Variants in DSP observed in about 807,000 individuals in gnomAD.
DSP encodes 250/210 kDa paraneoplastic pemphigus antigen.
In DSP, 114 loss-of-function variants were observed where a neutral mutation model predicts 290.6. That is an observed-to-expected ratio of 0.39 (90% CI 0.34 to 0.46). The LOEUF (loss-of-function observed/expected upper bound fraction) is 0.46, where lower values mean the gene tolerates loss of function less well. Among genes scored for constraint, DSP ranks in the 20% least tolerant of loss-of-function variants. The pLI is 0.99. For synonymous variants in DSP, 1,311 were observed against 1,316.4 expected, an observed-to-expected ratio of 1.00 and a Z score of 0.09; for missense variants, 3,230 against 3,495.8, an observed-to-expected ratio of 0.92 and a Z score of 1.92.
At position 7,582,981 on chromosome 6, in the gene DSP, A is replaced by G; in HGVS notation, c.5719A>G (p.Lys1907Glu). 6.2e-7 allele frequency: 1 copy of G among 1,614,142 alleles called. No individual in the cohort carries two copies. The highest frequency in any genetic ancestry group is 2.2e-5 in the East Asian group (1 of 44,884). The change falls in exon 24 of 24, where the codon AAG becomes GAG. Residue 1907 changes from lysine to glutamate, a missense_variant. Physicochemically the swap from Lys to Glu is moderately conservative, Grantham distance 56. Around this residue, in one of 5 missense-constraint regions of DSP, gnomAD observed 1,714 missense variants for 1,844.5 expected, o/e 0.93. Coordinates refer to ENST00000379802, the MANE Select transcript of DSP (RefSeq NM_004415.4). The surrounding 1 kb of genome is among the most constrained non-coding windows in gnomAD (Gnocchi z 4.2). ...SEIERLQAEI[K>E]RIEERCRRKL... ...GATCGAAAGACTCCAAGCAGAGATCAAGAGAATTGAAGAGAGGTGCAGGCG... is the reference window on the plus strand; with the variant it reads ...GATCGAAAGACTCCAAGCAGAGATCGAGAGAATTGAAGAGAGGTGCAGGCG...
At chr6:7,573,973 G>A (rs1021500623) in intron 15 of DSP, 113 bp from the exon 16 acceptor site, 33 of 1,133,822 alleles carry the variant, frequency 2.9e-5, no homozygotes, top group Non-Finnish European at 4.2e-5. Context: ...CTTACCTGAT[G>A]TAATCATTTC....
intron 3 of DSP, 39 bp downstream of exon 3, chr6:7,558,303 A>G (rs1758567044): frequency 6.3e-7 from 1 of 1,598,822 alleles, no homozygotes; most frequent in Admixed American, 1.7e-5. Context: ...GTCCCCATGA[A>G]AAAGAACACC....
At chr6:7,571,211 G>A (rs1759039508) in intron 13 of DSP, among the ~76,000 whole-genome samples, 172 bp from the exon 14 acceptor site, 1 of 150,350 alleles carries the variant, frequency 6.7e-6, no homozygotes, top group Non-Finnish European at 1.5e-5. Flanking sequence ...ACCCATTCCT[G>A]TGGCTCTTGG....
chr6:7,574,329 C>A, intron 16 of DSP, 77 bp downstream of exon 16: 1 of 1,435,538 alleles, frequency 7.0e-7, no homozygotes, highest in Non-Finnish European at 9.8e-7. Flanking sequence ...GCTTTAGATG[C>A]TTGCCTTACA....
chr6:7,580,307 A>C lies in DSP; in HGVS notation c.4117A>C (p.Thr1373Pro). The change falls in exon 23 of 24, where the codon ACC becomes CCC. Residue 1373 changes from threonine (T) to proline (P), a missense_variant. This residue lies in a region of DSP where 1,714 missense variants were observed against 1,844.5 expected (regional missense o/e 0.93). Coordinates refer to ENST00000379802, the MANE Select transcript of DSP (RefSeq NM_004415.4). This position sits in a 1 kb window ranked among gnomAD's most constrained non-coding sequence, Gnocchi z 4.2. ...TCAGTTTGAGACCGAGATCAACATC[A>C]CCAAGACCACCATCCACCAGCTCAC... Reference protein sequence around the residue: ...KNQFETEINITKTTIHQLTMQ... With the variant: ...KNQFETEINIPKTTIHQLTMQ... The C allele has an allele frequency of 1.9e-6, 3 of 1,614,040 alleles. No individual in the cohort carries two copies. Among genetic ancestry groups the C allele is most frequent in the South Asian group, 2.2e-5 (2 of 91,074 alleles).
chr6:7,580,166 G>A lies in DSP; in HGVS notation c.3976G>A (p.Glu1326Lys). 6.2e-7 allele frequency: 1 copy of A among 1,614,054 alleles called. No homozygotes were observed. The highest frequency in any genetic ancestry group is 8.5e-7 in the Non-Finnish European group (1 of 1,180,020). The change falls in exon 23 of 24, where the codon GAG becomes AAG. Residue 1326 changes from glutamate (E) to lysine (K), a missense_variant. By Grantham distance (56) the Glu-to-Lys change is moderately conservative (BLOSUM62 1). This residue lies in a region of DSP where 1,714 missense variants were observed against 1,844.5 expected (regional missense o/e 0.93). Coordinates refer to ENST00000379802, the MANE Select transcript of DSP (RefSeq NM_004415.4). The surrounding 1 kb of genome is among the most constrained non-coding windows in gnomAD (Gnocchi z 4.2). ...CAAGACCATTCAGGACAAAAATAAG[G>A]AGATCGAGAGACTCAAAGCTGAGTT... ...AAKTIQDKNK[E>K]IERLKAEFQE...
Position 7,555,784 on chromosome 6 carries a change from C to A in DSP, c.237C>A (p.Ser79=), listed in dbSNP as rs146521568. 6.2e-7 allele frequency: 1 copy of A among 1,614,212 alleles called. No individual in the cohort carries two copies. The highest frequency in any genetic ancestry group is 2.2e-5 in the East Asian group (1 of 44,890). The change falls in exon 2 of 24, where the codon TCC becomes TCA. Residue 79 remains serine (S), a synonymous_variant. Coordinates refer to ENST00000379802, the MANE Select transcript of DSP (RefSeq NM_004415.4). Reference sequence around the variant, plus strand: ...TCCAGGAGCTGCTGCAGAACTGCTCCGACTGCTTGATGCGAGCAGAGCTCA... The same window carrying A: ...TCCAGGAGCTGCTGCAGAACTGCTCAGACTGCTTGATGCGAGCAGAGCTCA... ...NTIQELLQNC[S]DCLMRAELIV... is the part of the protein sequence containing the mutation.
rs1759053122 is a variant in DSP, at chr6:7,571,551, A to G, written c.1870A>G (p.Ile624Val). Residue 624 changes from isoleucine to valine, a missense_variant, in exon 14 of 24, where the codon ATT (isoleucine) becomes GTT (valine). Ile to Val is a conservative substitution (Grantham distance 29, BLOSUM62 3). Around this residue, in one of 5 missense-constraint regions of DSP, gnomAD observed 81 missense variants for 130.5 expected, o/e 0.62. Coordinates refer to ENST00000379802, the MANE Select transcript of DSP (RefSeq NM_004415.4). ...DAQKHYQTLV[I>V]QLPGYPQHQT... The stretch of plus-strand genomic sequence containing the variant: ...CCAGAAGCATTACCAGACCCTGGTC[A>G]TTCAGCTCCCTGGCTATCCCCAGCA... The G allele has an allele frequency of 6.2e-7, 1 of 1,614,258 alleles. No individual in the cohort carries two copies. The highest frequency in any genetic ancestry group is 8.5e-7 in the Non-Finnish European group (1 of 1,180,042).
chr6:7,558,395 C>G (rs1208734676), intron 3 of DSP, 131 bp downstream of exon 3: 7 of 1,361,710 alleles, frequency 5.1e-6, no homozygotes, highest in Non-Finnish European at 7.1e-6. Context: ...GGTTTGCTTA[C>G]TTGGTATTTT....
rs779104522 is a variant in DSP at position 7,563,809 on chromosome 6, T to C, written c.777+23T>C. 1.1e-5 allele frequency: 18 copies of C among 1,607,450 alleles called. No homozygotes were observed. In the South Asian group the frequency reaches 1.9e-4, roughly 17 times the overall value. On this transcript the variant is annotated intron_variant, in intron 6 of 23. Coordinates refer to ENST00000379802, the MANE Select transcript of DSP (RefSeq NM_004415.4). The stretch of plus-strand genomic sequence containing the variant: ...CTGGTAAGCTGATTTATTTCTCAAG[T>C]GCATCGACTTTCTGTTGTTTCCAAT...
At position 7,585,514 on chromosome 6, in the gene DSP, T is replaced by C. The variant is rs949070315; in HGVS notation, c.8252T>C (p.Ile2751Thr). The change falls in exon 24 of 24, where the codon ATC becomes ACC. Residue 2751 changes from isoleucine to threonine, a missense_variant. By Grantham distance (89) the Ile-to-Thr change is moderately conservative (BLOSUM62 -1). Coordinates refer to ENST00000379802, the MANE Select transcript of DSP (RefSeq NM_004415.4). Reference protein sequence around the residue: ...VHGRISTEEAIRKGFIDGRAA... With the variant: ...VHGRISTEEATRKGFIDGRAA... Reference sequence around the variant, plus strand: ...GGGAGGATAAGCACCGAAGAAGCCATCCGGAAGGGGTTCATAGATGGCCGC... The same window carrying C: ...GGGAGGATAAGCACCGAAGAAGCCACCCGGAAGGGGTTCATAGATGGCCGC... 6 of 1,614,064 alleles carry C rather than the reference T, an allele frequency of 3.7e-6. No individual in the cohort carries two copies. Among genetic ancestry groups the C allele is most frequent in the Non-Finnish European group, 5.1e-6 (6 of 1,180,012 alleles).
At position 7,585,333 on chromosome 6, in the gene DSP, G is replaced by C. The variant is rs1006955897; in HGVS notation, c.8071G>C (p.Ala2691Pro). ...DQDMATRLKP[A>P]QKAFIGFEGV... The stretch of plus-strand genomic sequence containing the variant: ...AGACATGGCCACCAGGCTGAAGCCT[G>C]CTCAGAAAGCCTTCATAGGCTTCGA... The change falls in exon 24 of 24, where the codon GCT becomes CCT. Residue 2691 changes from alanine to proline, a missense_variant. This residue lies in a region of DSP where 582 missense variants were observed against 555.4 expected (regional missense o/e 1.05). Transcript: ENST00000379802. The C allele has an allele frequency of 1.4e-5, 23 of 1,614,164 alleles. No homozygotes were observed. Among genetic ancestry groups the C allele is most frequent in the Non-Finnish European group, 1.8e-5 (21 of 1,180,036 alleles).
chr6:7,542,736 C>T (rs977201597), intron 1 of DSP, among the ~76,000 whole-genome samples: 2 of 152,226 alleles, frequency 1.3e-5, no homozygotes, highest in African/African-American at 2.4e-5. Context: ...CTGCCGGGCC[C>T]GGGTCTCGAA....
chr6:7,552,563 G>A (rs1315859220), intron 1 of DSP, among the ~76,000 whole-genome samples: 22 of 120,904 alleles, frequency 1.8e-4, no homozygotes, highest in Non-Finnish European at 3.0e-4. Context: ...ACTCCATCTC[G>A]GAAAAAAAAA....
intron 1 of DSP, among the ~76,000 whole-genome samples, chr6:7,548,568 T>A (rs1758239922): frequency 6.6e-6 from 1 of 152,252 alleles, no homozygotes; most frequent in Admixed American, 6.5e-5. Context: ...AGTTTTCCAC[T>A]ATCCCACAAA....
intron 15 of DSP, among the ~76,000 whole-genome samples, chr6:7,573,164 G>T (rs111411804): frequency 0.024 from 3,602 of 152,080 alleles, 150 homozygotes; most frequent in African/African-American, 0.082. Flanking sequence ...GTACATATGT[G>T]TGTGTGTATA....
intron 1 of DSP, among the ~76,000 whole-genome samples, chr6:7,552,307 A>G (rs776249143): frequency 3.9e-5 from 6 of 152,038 alleles, no homozygotes; most frequent in Non-Finnish European, 7.4e-5. Context: ...TGTAATCCTA[A>G]CACTTTGGGA....
In DSP at chr6:7,572,023, C is replaced by A; in HGVS notation, c.2085C>A (p.Asp695Glu). ...CTCTCAAAAACCTCCCTCTAGCAGA[C>A]CAGGGATCTTCTCACCACATCACAG... ...RMTLKNLPLA[D>E]QGSSHHITVK... Residue 695 changes from aspartate (D) to glutamate (E), a missense_variant, in exon 15 of 24, where the codon GAC becomes GAA. By Grantham distance (45) the Asp-to-Glu change is conservative. Transcript: ENST00000379802. 6.2e-7 allele frequency: 1 copy of A among 1,614,092 alleles called. No homozygotes were observed. The highest frequency in any genetic ancestry group is 8.5e-7 in the Non-Finnish European group (1 of 1,180,018).
At chr6:7,542,215 T>C in intron 1 of DSP, 130 bp downstream of exon 1, 2 of 1,268,120 alleles carry the variant, frequency 1.6e-6, no homozygotes, top group Middle Eastern at 2.6e-4. Flanking sequence ...CCGAAAGAAC[T>C]TCCCGGCCGC....
Sources: allele counts gnomAD v4.1 joint callset (sites outside exome capture counted in the v4.1 genomes callset), GRCh38; gene constraint gnomAD v4.1.1; regional missense constraint gnomAD v4.1.1; non-coding constraint Gnocchi (gnomAD v3.1); transcripts MANE v1.5; gene names NCBI Gene and HGNC (gene_info 2026-07-23, HGNC 2026-07-21).